Variants in CEP85L observed in about 807,000 individuals in gnomAD.
The protein encoded by CEP85L is centrosomal protein of 85 kDa-like.
In CEP85L, 60 loss-of-function variants were observed where a neutral mutation model predicts 100.3. The ratio of observed to expected loss-of-function variants is 0.60; its 90% CI spans 0.49 to 0.74. The LOEUF (loss-of-function observed/expected upper bound fraction) is 0.74. CEP85L is among the 30% of genes least tolerant of loss of function. The pLI is 0.00. For synonymous variants in CEP85L, 319 were observed against 322.7 expected (o/e 0.99, Z 0.12); for missense variants, 973 against 936.2 (o/e 1.04, Z -0.51).
At chr6:118,646,760 A>T (rs966767759) in intron 1 of CEP85L, 1 of 223,530 alleles carries the variant, frequency 4.5e-6, no homozygotes, top group Middle Eastern at 2.4e-3. Context: ...ACTCAGGAAA[A>T]TACTATCCAG....
chr6:118,700,160 T>C (rs888991533), intron 1 of CEP85L, among the ~76,000 whole-genome samples: 7 of 152,246 alleles, frequency 4.6e-5, no homozygotes, highest in African/African-American at 1.7e-4. Flanking sequence ...CCTTTTAAGA[T>C]ACCTATGCAA....
At chr6:118,639,951 G>A (rs1774755848) in intron 1 of CEP85L, among the ~76,000 whole-genome samples, 1 of 152,160 alleles carries the variant, frequency 6.6e-6, no homozygotes, top group Non-Finnish European at 1.5e-5. Context: ...CCTTGAGCCA[G>A]TATGCATTTA....
intron 1 of CEP85L, among the ~76,000 whole-genome samples, chr6:118,675,413 T>C (rs1472300158): frequency 6.6e-6 from 1 of 151,970 alleles, no homozygotes; most frequent in African/African-American, 2.4e-5. Context: ...TGAAATTAGA[T>C]AATGTTGATG....
intron 6 of CEP85L, among the ~76,000 whole-genome samples, chr6:118,487,643 T>C (rs563007675): frequency 4.6e-5 from 7 of 152,182 alleles, no homozygotes; most frequent in Non-Finnish European, 1.0e-4. Flanking sequence ...AATAGTTGGA[T>C]CACACATCCA....
At chr6:118,678,319 G>C (rs1776543908) in intron 1 of CEP85L, among the ~76,000 whole-genome samples, 1 of 152,214 alleles carries the variant, frequency 6.6e-6, no homozygotes. Context: ...TCATGCATTG[G>C]ATGCAAGATG....
chr6:118,651,262 C>T lies in CEP85L; in HGVS notation c.8G>A (p.Gly3Glu), dbSNP rs1231220344. The T allele has an allele frequency of 1.3e-6, 2 of 1,490,266 alleles. No individual in the cohort carries two copies. Among genetic ancestry groups the T allele is most frequent in the Non-Finnish European group, 1.8e-6 (2 of 1,125,358 alleles). The allele number at this position is 1,490,266 out of a possible 1,614,324, so 92.3% of individuals were successfully genotyped here. MW[G>E]RFLAPEASGR... is the part of the protein sequence containing the mutation. ...GCTGGCCTCCGGAGCCAGGAAGCGC[C>T]CCCACATCGCGGGCGAGAGGGCCGG... The change falls in exon 1 of 13, where the codon GGG becomes GAG. Residue 3 changes from glycine (G) to glutamate (E), a missense_variant. Gly to Glu is a moderately conservative substitution (Grantham distance 98, BLOSUM62 -2). Transcript: ENST00000368491.
intron 2 of CEP85L, among the ~76,000 whole-genome samples, chr6:118,607,561 C>T (rs1290553735): frequency 6.6e-6 from 1 of 152,182 alleles, no homozygotes; most frequent in Non-Finnish European, 1.5e-5. Flanking sequence ...TAGCAGTTAA[C>T]ATCCAATAGT....
intron 1 of CEP85L, among the ~76,000 whole-genome samples, chr6:118,690,507 A>T (rs1235367373): frequency 8.6e-6 from 1 of 116,692 alleles, no homozygotes; most frequent in African/African-American, 3.3e-5. Flanking sequence ...CAATCACCGC[A>T]CTCCACCATC....
intron 8 of CEP85L, 73 bp from the exon 9 acceptor site, chr6:118,480,586 G>T: frequency 1.1e-6 from 1 of 912,782 alleles, no homozygotes; most frequent in Non-Finnish European, 1.7e-6. Context: ...CAACATAAAT[G>T]ATTATTGCTT....
At chr6:118,477,786 C>T (rs1773493741) in intron 10 of CEP85L, among the ~76,000 whole-genome samples, 1 of 151,976 alleles carries the variant, frequency 6.6e-6, no homozygotes, top group African/African-American at 2.4e-5. Context: ...AAAGAATATC[C>T]CAACTATAGC....
At chr6:118,594,438 T>C (rs1325828436) in intron 2 of CEP85L, among the ~76,000 whole-genome samples, 1 of 152,190 alleles carries the variant, frequency 6.6e-6, no homozygotes, top group Non-Finnish European at 1.5e-5. Context: ...ATAGGTTAAT[T>C]AGATAAGAAA....
chr6:118,567,811 C>T (rs1779643167), intron 2 of CEP85L, among the ~76,000 whole-genome samples: 1 of 152,148 alleles, frequency 6.6e-6, no homozygotes, highest in South Asian at 2.1e-4. Context: ...TCCAGTGGGT[C>T]TTTGCACAGA....
intron 1 of CEP85L, among the ~76,000 whole-genome samples, chr6:118,708,130 T>A (rs1166169551): frequency 6.6e-6 from 1 of 152,250 alleles, no homozygotes; most frequent in Non-Finnish European, 1.5e-5. Flanking sequence ...TTGGGAATAT[T>A]CATTTCTTCC....
At chr6:118,675,944 CA>C (rs1776468320) in intron 1 of CEP85L, among the ~76,000 whole-genome samples, 1 of 151,830 alleles carries the variant, frequency 6.6e-6, no homozygotes, top group Non-Finnish European at 1.5e-5. Flanking sequence ...AGAGAATGAA[CA>C]ATAATAAAAG....
intron 4 of CEP85L, among the ~76,000 whole-genome samples, chr6:118,523,291 G>T (rs149088423): frequency 6.6e-6 from 1 of 152,170 alleles, no homozygotes; most frequent in East Asian, 1.9e-4. Flanking sequence ...TTTTTTCAGA[G>T]CTTAGGTACT....
At chr6:118,603,284 T>A (rs1419459712) in intron 2 of CEP85L, among the ~76,000 whole-genome samples, 1 of 152,192 alleles carries the variant, frequency 6.6e-6, no homozygotes, top group Non-Finnish European at 1.5e-5. Context: ...AAATCCTGTT[T>A]ACAGGGACTG....
intron 1 of CEP85L, among the ~76,000 whole-genome samples, chr6:118,682,659 G>C (rs1382501352): frequency 2.0e-5 from 3 of 151,754 alleles, no homozygotes; most frequent in African/African-American, 7.3e-5. Flanking sequence ...CTTGGTTTAT[G>C]CTTCAGGTAG....
At chr6:118,676,454 C>G (rs144668118) in intron 1 of CEP85L, among the ~76,000 whole-genome samples, 180 of 152,228 alleles carry the variant, frequency 1.2e-3, no homozygotes, top group African/African-American at 4.1e-3. Flanking sequence ...CTTTCTGTGC[C>G]TGGCTTATTT....
At chr6:118,579,996 T>C (rs113611801) in intron 2 of CEP85L, among the ~76,000 whole-genome samples, 1,692 of 152,034 alleles carry the variant, frequency 0.011, 42 homozygotes, top group African/African-American at 0.039. Flanking sequence ...TGCATTTGCA[T>C]ATTAAAAGGC....
Sources: gnomAD v4.1 joint callset for allele counts (sites outside exome capture counted in the v4.1 genomes callset) on GRCh38, gnomAD v4.1.1 for gene constraint, MANE v1.5 for transcripts, NCBI Gene and HGNC (gene_info 2026-07-23, HGNC 2026-07-21) for gene names.